Variants in A1CF observed in about 807,000 individuals in gnomAD.
A1CF encodes the protein APOBEC1 complementation factor.
Under a neutral mutation model 68.9 loss-of-function variants are expected in A1CF, and 48 were observed. That is an observed-to-expected ratio of 0.70 (90% CI 0.55 to 0.89). The LOEUF (loss-of-function observed/expected upper bound fraction) is 0.89, where lower values mean the gene tolerates loss of function less well. Among genes scored for constraint, A1CF ranks in the 40% least tolerant of loss-of-function variants. The pLI, the probability that A1CF is intolerant of heterozygous loss-of-function variation, is 0.00. For missense variants in A1CF, 653 were observed against 718.9 expected (o/e 0.91, Z 1.05); for synonymous variants, 272 against 260.4 (o/e 1.04, Z -0.43).
intron 3 of A1CF, among the ~76,000 whole-genome samples, chr10:50,857,751 A>G (rs1030105512): frequency 6.6e-6 from 1 of 152,188 alleles, no homozygotes; most frequent in African/African-American, 2.4e-5. Context: ...GTTGGCAAGG[A>G]GAAGTGGTTG....
chr10:50,847,631 T>C (rs1840058662), intron 3 of A1CF, among the ~76,000 whole-genome samples: 1 of 152,192 alleles, frequency 6.6e-6, no homozygotes. Flanking sequence ...CTGGGGAATC[T>C]GGGCAAAAAT....
rs1837770716 is a variant in A1CF at position 50,805,365 on chromosome 10, C to G, written c.*1364G>C. On this transcript the variant is annotated 3_prime_UTR_variant, in exon 13 of 13. Coordinates refer to ENST00000373997, the MANE Select transcript of A1CF (RefSeq NM_014576.4). ...GGACTTAAGATTATTTATGTTTGAACAAAGCAATCATTTACAAGTATGGCA... is the reference window on the plus strand; with the variant it reads ...GGACTTAAGATTATTTATGTTTGAAGAAAGCAATCATTTACAAGTATGGCA... The G allele has an allele frequency of 6.6e-6, 1 of 152,174 alleles. No homozygotes were observed. Among genetic ancestry groups the G allele is most frequent in the South Asian group, 2.1e-4 (1 of 4,834 alleles). 9.4% of individuals were successfully genotyped at this position (152,174 alleles called of 1,614,324 possible).
intron 1 of A1CF, among the ~76,000 whole-genome samples, chr10:50,864,404 T>C (rs1479713210): frequency 1.3e-5 from 2 of 152,126 alleles, no homozygotes; most frequent in Non-Finnish European, 2.9e-5. Flanking sequence ...TCCTCCCCTT[T>C]CCCTTCCCTT....
rs115505907 is a variant in A1CF at position 50,871,071 on chromosome 10, G to T, written c.-93-6991C>A. Among the ~76,000 whole-genome samples the T allele has an allele frequency of 1.8e-3, 278 of 151,540 alleles. 1 individual carries two copies. Among genetic ancestry groups the T allele is most frequent in the African/African-American group, 6.5e-3 (271 of 41,466 alleles). ...AAAAAATCTTCATAAGTGAACAATAGAACAAAACATCCTTAAATTGATAAA... is the reference window on the plus strand; with the variant it reads ...AAAAAATCTTCATAAGTGAACAATATAACAAAACATCCTTAAATTGATAAA... On this transcript the variant is annotated intron_variant, in intron 1 of 12. Transcript: ENST00000373997.
chr10:50,834,165 T>A (rs999128522), intron 6 of A1CF, among the ~76,000 whole-genome samples: 7 of 152,212 alleles, frequency 4.6e-5, no homozygotes, highest in African/African-American at 1.4e-4. Context: ...GAGGTGGAGC[T>A]TCTCTGGGAT....
intron 3 of A1CF, among the ~76,000 whole-genome samples, chr10:50,857,063 A>G (rs530333090): frequency 1.3e-5 from 2 of 152,232 alleles, no homozygotes; most frequent in African/African-American, 4.8e-5. Flanking sequence ...AGGTTTCTTC[A>G]TAGCTTTAAC....
At chr10:50,877,512 A>G (rs952469752) in intron 1 of A1CF, among the ~76,000 whole-genome samples, 4 of 152,176 alleles carry the variant, frequency 2.6e-5, no homozygotes, top group Non-Finnish European at 5.9e-5. Flanking sequence ...TAAAAAATCC[A>G]TCTAAAGCTC....
At chr10:50,874,997 G>T (rs566672154) in intron 1 of A1CF, among the ~76,000 whole-genome samples, 1 of 152,162 alleles carries the variant, frequency 6.6e-6, no homozygotes, top group Non-Finnish European at 1.5e-5. Context: ...ACAATATGCA[G>T]TTGCATCTAG....
intron 7 of A1CF, among the ~76,000 whole-genome samples, chr10:50,827,282 C>T (rs1394498499): frequency 1.3e-5 from 2 of 152,144 alleles, no homozygotes; most frequent in South Asian, 2.1e-4. Context: ...ACCAAGCGGA[C>T]CTAATAGACA....
intron 5 of A1CF, among the ~76,000 whole-genome samples, chr10:50,840,979 A>T (rs904889715): frequency 6.6e-6 from 1 of 152,042 alleles, no homozygotes; most frequent in African/African-American, 2.4e-5. Context: ...ACCCTTTCTT[A>T]TCTTGTCCAC....
chr10:50,840,509 G>A (rs1839725500), intron 5 of A1CF, among the ~76,000 whole-genome samples: 5 of 152,124 alleles, frequency 3.3e-5, no homozygotes. Context: ...CGTGGCTCAG[G>A]GCTTCCTTTA....
intron 6 of A1CF, among the ~76,000 whole-genome samples, chr10:50,828,907 A>T (rs12262858): frequency 3.9e-5 from 6 of 152,282 alleles, no homozygotes; most frequent in Admixed American, 1.3e-4. Flanking sequence ...TAAATTGGGA[A>T]TCTGGAGACA....
At chr10:50,839,998 T>C (rs754035201) in intron 5 of A1CF, among the ~76,000 whole-genome samples, 1 of 152,204 alleles carries the variant, frequency 6.6e-6, no homozygotes, top group Non-Finnish European at 1.5e-5. Flanking sequence ...CGCCTTGGCC[T>C]CCCAAAGTGC....
At chr10:50,831,627 C>T (rs1839245484) in intron 6 of A1CF, among the ~76,000 whole-genome samples, 2 of 152,166 alleles carry the variant, frequency 1.3e-5, no homozygotes, top group Admixed American at 6.6e-5. Context: ...ACTCAGGAGG[C>T]TGAGGCAGGA....
intron 1 of A1CF, 100 bp downstream of exon 1, chr10:50,885,481 C>G (rs979604964): frequency 2.0e-5 from 3 of 152,270 alleles, no homozygotes; most frequent in Non-Finnish European, 4.4e-5. Context: ...GGCTCGATAA[C>G]AGAAGAGGGT....
chr10:50,865,548 C>G (rs1302735503), intron 1 of A1CF, among the ~76,000 whole-genome samples: 1 of 152,128 alleles, frequency 6.6e-6, no homozygotes, highest in East Asian at 1.9e-4. Flanking sequence ...AGGATAAAGT[C>G]CCAGGTTCTT....
intron 10 of A1CF, among the ~76,000 whole-genome samples, chr10:50,812,493 T>C (rs1838163326): frequency 6.6e-6 from 1 of 152,214 alleles, no homozygotes; most frequent in African/African-American, 2.4e-5. Flanking sequence ...TAATGTAAAA[T>C]GAAGAGATCT....
intron 6 of A1CF, among the ~76,000 whole-genome samples, chr10:50,835,832 C>G (rs1214172100): frequency 6.6e-6 from 1 of 152,108 alleles, no homozygotes; most frequent in Admixed American, 6.5e-5. Context: ...GATTGCTGTA[C>G]TTAAAGTTCT....
At chr10:50,843,955 A>G (rs755960493) in intron 4 of A1CF, 33 bp downstream of exon 4, 3 of 1,611,804 alleles carry the variant, frequency 1.9e-6, no homozygotes, top group South Asian at 2.2e-5. Flanking sequence ...CCCTTGAACG[A>G]TAAGAAAAAT....
Sources: gnomAD v4.1 joint callset for allele counts (sites outside exome capture counted in the v4.1 genomes callset) on GRCh38, gnomAD v4.1.1 for gene constraint, MANE v1.5 for transcripts, NCBI Gene and HGNC (gene_info 2026-07-23, HGNC 2026-07-21) for gene names.